The following TTF2 variants were observed in gnomAD, a reference collection of about 807,000 sequenced individuals.
TTF2 encodes RNA polymerase II termination factor.
TTF2 carries 108 observed loss-of-function variants against 142.4 expected under a neutral mutation model. That is an observed-to-expected ratio of 0.76 (90% CI 0.65 to 0.89). TTF2 has a LOEUF of 0.89. TTF2 is among the 40% of genes least tolerant of loss of function. The pLI is 0.00. For missense variants in TTF2, 1,327 were observed against 1,379.8 expected, an observed-to-expected ratio of 0.96 and a Z score of 0.61; for synonymous variants, 483 against 506.2, an observed-to-expected ratio of 0.95 and a Z score of 0.61.
rs1647954590 is a variant in TTF2, at chr1:117,085,853, T to C, written c.2055-564T>C. ...TGTAAGGAGTATAAGCAAGATACACTGAAAGCTTACAGCATGTATTTTTAT... is the reference window on the plus strand; with the variant it reads ...TGTAAGGAGTATAAGCAAGATACACCGAAAGCTTACAGCATGTATTTTTAT... On this transcript the variant is annotated intron_variant, in intron 11 of 22. Transcript: ENST00000369466. The surrounding 1 kb of genome is among the most constrained non-coding windows in gnomAD (Gnocchi z 4.7). 6.6e-6 allele frequency among the ~76,000 whole-genome samples: 1 copy of C among 152,142 alleles called. No homozygotes were observed.
rs146902845 is a variant in TTF2, at chr1:117,075,281, T to C, written c.697T>C (p.Ser233Pro). ...QCQGNELTRP[S>P]ASSQEKSSGK... is the part of the protein sequence containing the mutation. ...CCAAGGTAATGAGCTTACAAGACCATCTGCATCTTCTCAGGAGAAATCAAG... is the reference window on the plus strand; with the variant it reads ...CCAAGGTAATGAGCTTACAAGACCACCTGCATCTTCTCAGGAGAAATCAAG... The change falls in exon 5 of 23, where the codon TCT (serine) becomes CCT (proline). Residue 233 changes from serine (S) to proline (P), a missense_variant. Physicochemically the swap from Ser to Pro is moderately conservative, Grantham distance 74. Transcript: ENST00000369466. The surrounding 1 kb of genome is among the most constrained non-coding windows in gnomAD (Gnocchi z 4.5). 4.0e-5 allele frequency: 65 copies of C among 1,614,190 alleles called. No individual in the cohort carries two copies. In the African/African-American group the frequency reaches 7.2e-4, roughly 18 times the overall value.
At position 117,079,492 on chromosome 1, in the gene TTF2, A is replaced by G; in HGVS notation, c.1702-76A>G. 3.0e-6 allele frequency: 4 copies of G among 1,347,738 alleles called. No individual in the cohort carries two copies. Among genetic ancestry groups the G allele is most frequent in the Admixed American group, 3.4e-5 (2 of 59,214 alleles). The allele number at this position is 1,347,738 out of a possible 1,614,324, so 83.5% of individuals were successfully genotyped here. On this transcript the variant is annotated intron_variant, in intron 8 of 22. Transcript: ENST00000369466. The surrounding 1 kb of genome is among the most constrained non-coding windows in gnomAD (Gnocchi z 4.2). ...TCATTTGTAGAAAATAGGAGAGTGT[A>G]GAGTTCGTGTAGCCAGGCTCGGCAT... is the stretch of plus-strand genomic sequence containing the variant.
At chr1:117,074,487 C>T (rs926718411) in intron 4 of TTF2, among the ~76,000 whole-genome samples, 4 of 151,964 alleles carry the variant, frequency 2.6e-5, no homozygotes, top group East Asian at 1.9e-4. Flanking sequence ...CTTTTCTAGA[C>T]GTGGAAATGG....
chr1:117,079,143 G>C lies in TTF2; in HGVS notation c.1702-425G>C, dbSNP rs1647262944. 6.6e-6 allele frequency among the ~76,000 whole-genome samples: 1 copy of C among 152,192 alleles called. No individual in the cohort carries two copies. The highest frequency in any genetic ancestry group is 6.5e-5 in the Admixed American group (1 of 15,276). On this transcript the variant is annotated intron_variant, in intron 8 of 22. Coordinates refer to ENST00000369466, the MANE Select transcript of TTF2 (RefSeq NM_003594.4). The surrounding 1 kb of genome is among the most constrained non-coding windows in gnomAD (Gnocchi z 4.2). Reference sequence around the variant, plus strand: ...TAATTCCAGCTAGTCGGGAGGCTAAGGCAGGAGAATTGCTTGAACCTGGGA... The same window carrying C: ...TAATTCCAGCTAGTCGGGAGGCTAACGCAGGAGAATTGCTTGAACCTGGGA...
chr1:117,102,573 A>C lies in TTF2; in HGVS notation c.*1049A>C, dbSNP rs1160753221. On this transcript the variant is annotated 3_prime_UTR_variant, in exon 23 of 23. Transcript: ENST00000369466. The stretch of plus-strand genomic sequence containing the variant: ...TATCATTTGGTTCATTGTATCGTTT[A>C]GTATTTCTATTATAACATTTCTATT... The C allele has an allele frequency of 6.6e-6, 1 of 152,174 alleles. No homozygotes were observed. Among genetic ancestry groups the C allele is most frequent in the Non-Finnish European group, 1.5e-5 (1 of 68,026 alleles). 9.4% of individuals were successfully genotyped at this position (152,174 alleles called of 1,614,324 possible).
chr1:117,097,235 A>C lies in TTF2; in HGVS notation c.3187-116A>C. On this transcript the variant is annotated intron_variant, in intron 20 of 22. Coordinates refer to ENST00000369466, the MANE Select transcript of TTF2 (RefSeq NM_003594.4). This position sits in a 1 kb window ranked among gnomAD's most constrained non-coding sequence, Gnocchi z 4.1. ...AAAAAAAACAATTTATAACAGCAGAAGGAAATTTGATAGGAACACAGTGCT... is the reference window on the plus strand; with the variant it reads ...AAAAAAAACAATTTATAACAGCAGACGGAAATTTGATAGGAACACAGTGCT... 1.2e-6 allele frequency: 1 copy of C among 866,746 alleles called. No homozygotes were observed. The allele number at this position is 866,746 out of a possible 1,614,324, so 53.7% of individuals were successfully genotyped here.
chr1:117,074,545 TTTC>T (rs1656834249), intron 4 of TTF2, among the ~76,000 whole-genome samples: 2 of 152,074 alleles, frequency 1.3e-5, no homozygotes, highest in African/African-American at 2.4e-5. Flanking sequence ...TGTGTTTCCA[TTTC>T]TTCTGCAGAA....
At position 117,062,471 on chromosome 1, in the gene TTF2, C is replaced by T. The variant is rs1471963881; in HGVS notation, c.216C>T (p.Tyr72=). The change falls in exon 3 of 23, where the codon TAC becomes TAT. Residue 72 remains tyrosine, a splice_region_variant and synonymous_variant. Coordinates refer to ENST00000369466, the MANE Select transcript of TTF2 (RefSeq NM_003594.4). ...GLLLPQDKKE[Y]RLFFRCIRSK... is the part of the protein sequence containing the mutation. ...TTCTGCCACAGGACAAGAAAGAATA[C>T]AGGTAAGGGTCCAAAAGGAACATCT... is the stretch of plus-strand genomic sequence containing the variant. 6.2e-7 allele frequency: 1 copy of T among 1,609,762 alleles called. No individual in the cohort carries two copies. Among genetic ancestry groups the T allele is most frequent in the African/African-American group, 1.3e-5 (1 of 74,278 alleles).
Position 117,076,813 on chromosome 1 carries a change from GT to G in TTF2, c.1564del (p.Cys522AlafsTer45). On this transcript the variant is annotated frameshift_variant, in exon 7 of 23. Coordinates refer to ENST00000369466, the MANE Select transcript of TTF2 (RefSeq NM_003594.4). LOFTEE classifies it high-confidence loss of function. This position sits in a 1 kb window ranked among gnomAD's most constrained non-coding sequence, Gnocchi z 4.6. ...AGGTGACTGCTGGAGGATCCAGTCA[GT>G]GCTATCGAGGTAAGACCCAAGGGCC... is the stretch of plus-strand genomic sequence containing the variant. ...CQVTAGGSSQ[C>X]YRGHTNQDHV... 6.2e-7 allele frequency: 1 copy of G among 1,612,568 alleles called. No individual in the cohort carries two copies. Among genetic ancestry groups the G allele is most frequent in the African/African-American group, 1.3e-5 (1 of 75,004 alleles).
At position 117,098,425 on chromosome 1, in the gene TTF2, G is replaced by A. The variant is rs60600130; in HGVS notation, c.3270-408G>A. On this transcript the variant is annotated intron_variant, in intron 21 of 22. Coordinates refer to ENST00000369466, the MANE Select transcript of TTF2 (RefSeq NM_003594.4). ...GACTGAGGTTAAATAACTTGCCCAAGGACATCTAGCTACCTAGAGACCAGA... is the reference window on the plus strand; with the variant it reads ...GACTGAGGTTAAATAACTTGCCCAAAGACATCTAGCTACCTAGAGACCAGA... 1,477 of 153,434 alleles carry A rather than the reference G, an allele frequency of 9.6e-3. 36 individuals are homozygous for A. The highest frequency in any genetic ancestry group is 0.034 in the African/African-American group (1,424 of 41,558). 9.5% of individuals were successfully genotyped at this position (153,434 alleles called of 1,614,324 possible). A position where few individuals can be genotyped will look rare whatever the true frequency, so the allele number is the denominator to read the frequency against.
rs766133439 is a variant in TTF2 at position 117,087,782 on chromosome 1, A to AT, written c.2161-1012dup. ...TGCCTCCACTCCTTCTCCCAGGTTA[A>AT]TTTTTTTAAACCTGCTTCAAGAATC... On this transcript the variant is annotated intron_variant, in intron 12 of 22. Transcript: ENST00000369466. The surrounding 1 kb of genome is among the most constrained non-coding windows in gnomAD (Gnocchi z 4.8). Among the ~76,000 whole-genome samples the AT allele has an allele frequency of 1.7e-4, 26 of 152,030 alleles. No individual in the cohort carries two copies. Among genetic ancestry groups the AT allele is most frequent in the Non-Finnish European group, 3.4e-4 (23 of 68,002 alleles).
chr1:117,083,499 A>G (rs1195633450), intron 10 of TTF2, among the ~76,000 whole-genome samples: 5 of 152,258 alleles, frequency 3.3e-5, no homozygotes, highest in African/African-American at 1.2e-4. Context: ...CTTTTCAGAA[A>G]GTATAACAAT....
chr1:117,098,961 GTCTT>G (rs1426496380), intron 22 of TTF2, 54 bp downstream of exon 22: 24 of 1,510,756 alleles, frequency 1.6e-5, no homozygotes, highest in Non-Finnish European at 2.1e-5. Context: ...CTTTGTGAAA[GTCTT>G]TCTTTCTTAG....
At chr1:117,095,453 T>C (rs955497037) in intron 19 of TTF2, 86 bp downstream of exon 19, 1 of 1,263,406 alleles carries the variant, frequency 7.9e-7, no homozygotes, top group Non-Finnish European at 1.2e-6. Context: ...TCAAGGACTG[T>C]GAGTCATGCT....
chr1:117,068,824 T>C (rs1224174150), intron 3 of TTF2, among the ~76,000 whole-genome samples: 1 of 152,216 alleles, frequency 6.6e-6, no homozygotes, highest in Admixed American at 6.5e-5. Flanking sequence ...TGTGAGGCGG[T>C]GTACAGTACC....
intron 3 of TTF2, among the ~76,000 whole-genome samples, chr1:117,069,313 G>A (rs996297480): frequency 5.9e-5 from 9 of 152,304 alleles, no homozygotes; most frequent in Middle Eastern, 3.4e-3. Context: ...AATTGAAGAC[G>A]TTCAGATGCG....
Position 117,079,767 on chromosome 1 carries a change from C to T in TTF2, c.1783+118C>T, listed in dbSNP as rs1647328719. 5.3e-6 allele frequency: 5 copies of T among 941,172 alleles called. No individual in the cohort carries two copies. The highest frequency in any genetic ancestry group is 2.1e-5 in the Admixed American group (1 of 46,686). The allele number at this position is 941,172 out of a possible 1,614,324, so 58.3% of individuals were successfully genotyped here. A position where few individuals can be genotyped will look rare whatever the true frequency, so the allele number is the denominator to read the frequency against. ...CTATGAGGCAGGTACTATTATTCCT[C>T]ATTTTACAGATGATGAAAGTGAAGC... is the stretch of plus-strand genomic sequence containing the variant. On this transcript the variant is annotated intron_variant, in intron 9 of 22. Coordinates refer to ENST00000369466, the MANE Select transcript of TTF2 (RefSeq NM_003594.4). The surrounding 1 kb of genome is among the most constrained non-coding windows in gnomAD (Gnocchi z 4.2).
intron 7 of TTF2, 63 bp from the exon 8 acceptor site, chr1:117,077,853 A>T (rs1461238294): frequency 1.9e-6 from 3 of 1,593,670 alleles, no homozygotes; most frequent in African/African-American, 2.7e-5. Context: ...AGCTAAGTTC[A>T]CTCTAAAGGG....
In TTF2 at chr1:117,090,063, G is replaced by A. The variant is rs145353452; in HGVS notation, c.2351G>A (p.Arg784His). ...CTTCCTCAACAAAAAAGGTTTCTCC[G>A]TTGCTCTCCATTTGATGAGTTCAAT... ...LDMYSLLKFLRCSPFDEFNLW... is the reference protein window; with the variant it reads ...LDMYSLLKFLHCSPFDEFNLW... Residue 784 changes from arginine (R) to histidine (H), a missense_variant, in exon 14 of 23, where the codon CGT becomes CAT. Coordinates refer to ENST00000369466, the MANE Select transcript of TTF2 (RefSeq NM_003594.4). The surrounding 1 kb of genome is among the most constrained non-coding windows in gnomAD (Gnocchi z 4.8). 8.2e-5 allele frequency: 133 copies of A among 1,612,150 alleles called. 1 individual carries two copies. Among genetic ancestry groups the A allele is most frequent in the Non-Finnish European group, 3.6e-5 (42 of 1,179,008 alleles).
Sources: gnomAD v4.1 joint callset for allele counts (sites outside exome capture counted in the v4.1 genomes callset) on GRCh38, gnomAD v4.1.1 for gene constraint, Gnocchi (gnomAD v3.1) non-coding constraint, MANE v1.5 for transcripts, NCBI Gene and HGNC (gene_info 2026-07-23, HGNC 2026-07-21) for gene names.